The following TRPC5 variants were observed in gnomAD, a reference collection of about 807,000 sequenced individuals.
The protein encoded by TRPC5 is transient receptor potential cation channel subfamily C member 5, also known as short transient receptor potential channel 5.
In TRPC5, 9 loss-of-function variants were observed where a neutral mutation model predicts 56.5. The ratio of observed to expected loss-of-function variants is 0.16; its 90% confidence interval spans 0.10 to 0.28. TRPC5 has a LOEUF of 0.28. Ranked by LOEUF, TRPC5 falls within the 10% of genes least tolerant of loss-of-function variation. TRPC5 has a pLI of 1.00. For synonymous variants in TRPC5, 282 were observed against 278.5 expected (o/e 1.01, Z -0.13); for missense variants, 469 against 748.9 (o/e 0.63, Z 4.36).
intron 3 of TRPC5, among the ~76,000 whole-genome samples, chrX:111,860,995 T>C (rs759910177): frequency 1.2e-3 from 130 of 111,651 alleles, no homozygotes; most frequent in Non-Finnish European, 2.1e-3. Context: ...GTTTTTCTGT[T>C]TGTTTGTTTT....
At chrX:111,815,720 G>C (rs1043827294) in intron 7 of TRPC5, among the ~76,000 whole-genome samples, 1 of 109,517 alleles carries the variant, frequency 9.1e-6, no homozygotes, top group Non-Finnish European at 1.9e-5. Flanking sequence ...GACAGAGTGA[G>C]AATCACACAC....
intron 1 of TRPC5, among the ~76,000 whole-genome samples, chrX:112,005,701 G>C (rs1199334150): frequency 9.0e-6 from 1 of 110,831 alleles, no homozygotes; most frequent in African/African-American, 3.3e-5. Context: ...CCACAGCTGG[G>C]GTGTGGCAAA....
At chrX:111,843,563 G>A (rs1170892022) in intron 6 of TRPC5, among the ~76,000 whole-genome samples, 1 of 111,535 alleles carries the variant, frequency 9.0e-6, no homozygotes, top group Non-Finnish European at 1.9e-5. Flanking sequence ...ACACTTTCCT[G>A]TAGTTGGAGA....
At position 112,002,326 on chromosome X, in the gene TRPC5, T is replaced by G. The variant is rs892328547; in HGVS notation, c.-21-49885A>C. Among the ~76,000 whole-genome samples the G allele has an allele frequency of 1.1e-4, 12 of 111,166 alleles. No individual in the cohort carries two copies. The East Asian group carries it at 2.0e-3, about 18-fold the overall frequency. On this transcript the variant is annotated intron_variant, in intron 1 of 10. Transcript: ENST00000262839. ...CACTGGAACAGAATCAGCATTTTTT[T>G]GGGGGGTGGGGCATACAGGGTCTCA... is the stretch of plus-strand genomic sequence containing the variant.
At chrX:111,803,030 G>A (rs937349572) in intron 7 of TRPC5, among the ~76,000 whole-genome samples, 2 of 109,989 alleles carry the variant, frequency 1.8e-5, no homozygotes, top group African/African-American at 6.6e-5. Flanking sequence ...TCCACCCCTC[G>A]ACAAGCCCCA....
At chrX:111,852,185 G>A (rs759034818) in intron 5 of TRPC5, 113 bp downstream of exon 5, 1 of 712,413 alleles carries the variant, frequency 1.4e-6, no homozygotes, top group African/African-American at 2.2e-5. Flanking sequence ...TTTCCCACAT[G>A]GATTGAGCCA....
intron 2 of TRPC5, among the ~76,000 whole-genome samples, chrX:111,940,142 G>A (rs1926727961): frequency 9.0e-6 from 1 of 111,717 alleles, no homozygotes; most frequent in South Asian, 3.8e-4. Flanking sequence ...ATAGGTTCAT[G>A]TATCTCAAGA....
chrX:112,020,613 T>C (rs965662369), intron 1 of TRPC5, among the ~76,000 whole-genome samples: 1 of 111,911 alleles, frequency 8.9e-6, no homozygotes, highest in Non-Finnish European at 1.9e-5. Context: ...GATGAGCAAG[T>C]ATTATTTTTG....
chrX:111,775,950 G>A lies in TRPC5; in HGVS notation c.*363C>T, dbSNP rs913125774. The stretch of plus-strand genomic sequence containing the variant: ...GGCATGAGATTCTGAGGATGGTCAG[G>A]AATCTGTGCGGCAACAAGACCAGCA... On this transcript the variant is annotated 3_prime_UTR_variant, in exon 11 of 11. Coordinates refer to ENST00000262839, the MANE Select transcript of TRPC5 (RefSeq NM_012471.3). 7.1e-6 allele frequency: 1 copy of A among 141,407 alleles called. No homozygotes were observed. The allele number at this position is 141,407 out of a possible 1,213,427, so 11.7% of individuals were successfully genotyped here.
At chrX:112,063,946 C>T (rs1930519666) in intron 1 of TRPC5, among the ~76,000 whole-genome samples, 1 of 111,445 alleles carries the variant, frequency 9.0e-6, no homozygotes. Flanking sequence ...CGCCCACCAC[C>T]ACGTCCGGCC....
At chrX:111,830,038 C>T (rs1375935547) in intron 7 of TRPC5, among the ~76,000 whole-genome samples, 1 of 112,919 alleles carries the variant, frequency 8.9e-6, no homozygotes, top group African/African-American at 3.2e-5. Flanking sequence ...CTGTACCCTG[C>T]AAAGCCACAG....
chrX:112,003,247 A>G (rs987835111), intron 1 of TRPC5, among the ~76,000 whole-genome samples: 1 of 112,070 alleles, frequency 8.9e-6, no homozygotes, highest in Non-Finnish European at 1.9e-5. Context: ...ATTATAAACG[A>G]AGATAAATAT....
At chrX:111,836,628 C>T (rs1037876484) in intron 6 of TRPC5, among the ~76,000 whole-genome samples, 1 of 111,846 alleles carries the variant, frequency 8.9e-6, no homozygotes, top group Non-Finnish European at 1.9e-5. Flanking sequence ...CTTTGTAGCA[C>T]TTGAAGCTTC....
intron 3 of TRPC5, among the ~76,000 whole-genome samples, chrX:111,899,229 G>C (rs764407811): frequency 1.8e-5 from 2 of 110,408 alleles, no homozygotes; most frequent in Middle Eastern, 4.7e-3. Flanking sequence ...TGAGTCCCCC[G>C]CCCCACAAAA....
intron 1 of TRPC5, among the ~76,000 whole-genome samples, chrX:112,034,731 T>C (rs1232707662): frequency 1.8e-5 from 2 of 110,913 alleles, no homozygotes; most frequent in Non-Finnish European, 3.8e-5. Flanking sequence ...TTCCATTTTA[T>C]CTAGGTCATC....
chrX:111,781,198 A>C lies in TRPC5; in HGVS notation c.2109T>G (p.Asn703Lys). 1.7e-6 allele frequency: 2 copies of C among 1,209,524 alleles called. No homozygotes were observed. The highest frequency in any genetic ancestry group is 2.2e-6 in the Non-Finnish European group (2 of 893,667). ...GTTGATTTTGTATCAGGCTGTCAGC[A>C]TTGCGTTCCTATAATTGAAAATAGA... ...RRNLRSFTER[N>K]ADSLIQNQHY... Residue 703 changes from asparagine (N) to lysine (K), a missense_variant, in exon 9 of 11, where the codon AAT becomes AAG. Around this residue, in one of 3 missense-constraint regions of TRPC5, gnomAD observed 194 missense variants for 221.8 expected, o/e 0.87. Coordinates refer to ENST00000262839, the MANE Select transcript of TRPC5 (RefSeq NM_012471.3).
chrX:111,970,040 G>A (rs1927736071), intron 1 of TRPC5, among the ~76,000 whole-genome samples: 1 of 110,948 alleles, frequency 9.0e-6, no homozygotes, highest in Non-Finnish European at 1.9e-5. Context: ...GATAAAACAA[G>A]CCTTGTTAGT....
At chrX:111,836,596 T>C (rs1922569736) in intron 6 of TRPC5, among the ~76,000 whole-genome samples, 1 of 111,769 alleles carries the variant, frequency 8.9e-6, no homozygotes, top group African/African-American at 3.3e-5. Context: ...TTTTTCTCTA[T>C]CCTATTGTCT....
chrX:111,821,522 T>G (rs1922030039), intron 7 of TRPC5, among the ~76,000 whole-genome samples: 1 of 111,882 alleles, frequency 8.9e-6, no homozygotes, highest in Admixed American at 9.5e-5. Context: ...GTGTTACAGC[T>G]AAAGGACACC....
Sources: gnomAD v4.1 joint callset for allele counts (sites outside exome capture counted in the v4.1 genomes callset) on GRCh38, gnomAD v4.1.1 for gene constraint, gnomAD v4.1.1 regional missense constraint, MANE v1.5 for transcripts, NCBI Gene and HGNC (gene_info 2026-07-23, HGNC 2026-07-21) for gene names.